Variants in PRMT8 observed in about 807,000 individuals in gnomAD.
PRMT8 encodes protein arginine N-methyltransferase 8.
Under a neutral mutation model 47.1 loss-of-function variants are expected in PRMT8, and 7 were observed. The ratio of observed to expected loss-of-function variants is 0.15; its 90% CI spans 0.08 to 0.28. PRMT8 has a LOEUF of 0.28. Among genes scored for constraint, PRMT8 ranks in the 10% least tolerant of loss-of-function variants. The pLI is 1.00. For synonymous variants in PRMT8, 188 were observed against 186.5 expected, an observed-to-expected ratio of 1.01 and a Z score of -0.07; for missense variants, 237 against 505.4, an observed-to-expected ratio of 0.47 and a Z score of 5.09.
intron 1 of PRMT8, among the ~76,000 whole-genome samples, chr12:3,425,847 C>T (rs148973485): frequency 6.6e-6 from 1 of 152,250 alleles, no homozygotes; most frequent in African/African-American, 2.4e-5. Flanking sequence ...GCAGAGTGCC[C>T]AGTAAAGGCC....
At chr12:3,506,342 G>C (rs1238478297) in intron 1 of PRMT8, among the ~76,000 whole-genome samples, 1 of 152,226 alleles carries the variant, frequency 6.6e-6, no homozygotes, top group African/African-American at 2.4e-5. Context: ...TATGAAAGGA[G>C]AACAGATAAG....
intron 1 of PRMT8, among the ~76,000 whole-genome samples, chr12:3,439,915 G>A (rs1591550444): frequency 6.6e-6 from 1 of 152,220 alleles, no homozygotes; most frequent in East Asian, 1.9e-4. Context: ...TGGAGAGGGT[G>A]GTCGTGGCAG....
In PRMT8 at chr12:3,491,556, T is replaced by C; in HGVS notation, c.-70T>C. The C allele has an allele frequency of 6.6e-7, 1 of 1,525,710 alleles. No individual in the cohort carries two copies. Among genetic ancestry groups the C allele is most frequent in the Non-Finnish European group, 8.8e-7 (1 of 1,138,080 alleles). The allele number at this position is 1,525,710 out of a possible 1,614,324, so 94.5% of individuals were successfully genotyped here. On this transcript the variant is annotated 5_prime_UTR_variant, in exon 1 of 10. Coordinates refer to ENST00000382622, the MANE Select transcript of PRMT8 (RefSeq NM_019854.5). ...TTTTTTCTCCCATCCTCTCGCTCTC[T>C]CTTTTAAAGCGACACCAGCTCTCTC... is the stretch of plus-strand genomic sequence containing the variant.
At chr12:3,440,671 G>C (rs61909489) in intron 1 of PRMT8, among the ~76,000 whole-genome samples, 2,128 of 152,206 alleles carry the variant, frequency 0.014, 21 homozygotes, top group Non-Finnish European at 0.023. Flanking sequence ...ATCTGCCAAT[G>C]CTCCATTACA....
intron 6 of PRMT8, among the ~76,000 whole-genome samples, chr12:3,571,092 A>C (rs1003841254): frequency 6.6e-6 from 1 of 152,192 alleles, no homozygotes. Context: ...ACATATATTA[A>C]AGGACGTGAC....
chr12:3,470,468 C>T (rs1187540416), intron 1 of PRMT8, among the ~76,000 whole-genome samples: 3 of 152,110 alleles, frequency 2.0e-5, no homozygotes, highest in Non-Finnish European at 4.4e-5. Flanking sequence ...CCAACCTTCC[C>T]CAGGCTGTCT....
intron 1 of PRMT8, among the ~76,000 whole-genome samples, chr12:3,401,546 C>A (rs1864316978): frequency 6.6e-6 from 1 of 151,838 alleles, no homozygotes. Flanking sequence ...TTCTTTGATA[C>A]AGGATAACAT....
At chr12:3,388,013 A>G (rs897009506) in intron 1 of PRMT8, among the ~76,000 whole-genome samples, 1 of 142,572 alleles carries the variant, frequency 7.0e-6, no homozygotes, top group African/African-American at 2.6e-5. Context: ...TTCCTCAATA[A>G]CTCCTCCCTT....
At chr12:3,412,427 A>T (rs1490169046) in intron 1 of PRMT8, among the ~76,000 whole-genome samples, 3 of 152,190 alleles carry the variant, frequency 2.0e-5, no homozygotes, top group Non-Finnish European at 2.9e-5. Context: ...TTTATAAAAA[A>T]TGTTTTCTTT....
intron 1 of PRMT8, among the ~76,000 whole-genome samples, chr12:3,435,775 C>T (rs567531227): frequency 3.2e-4 from 49 of 152,288 alleles, no homozygotes; most frequent in African/African-American, 1.1e-3. Flanking sequence ...CGGCCTCGGC[C>T]TCCCAGAGTG....
chr12:3,461,210 A>C (rs1189749863), intron 1 of PRMT8, among the ~76,000 whole-genome samples: 1 of 152,204 alleles, frequency 6.6e-6, no homozygotes, highest in Non-Finnish European at 1.5e-5. Context: ...TGCACAACCT[A>C]ATTCTAGCAA....
intron 1 of PRMT8, among the ~76,000 whole-genome samples, chr12:3,515,180 T>C (rs1040693418): frequency 4.6e-5 from 7 of 152,146 alleles, no homozygotes; most frequent in African/African-American, 1.7e-4. Flanking sequence ...CAGCATAGGG[T>C]CTGGTCAACA....
intron 1 of PRMT8, among the ~76,000 whole-genome samples, chr12:3,485,270 C>A (rs1378742508): frequency 6.6e-6 from 1 of 152,188 alleles, no homozygotes; most frequent in Non-Finnish European, 1.5e-5. Flanking sequence ...TATAGAAACA[C>A]ATTTAAAACA....
At chr12:3,475,071 A>G (rs1011543852) in intron 1 of PRMT8, among the ~76,000 whole-genome samples, 1 of 152,198 alleles carries the variant, frequency 6.6e-6, no homozygotes, top group Non-Finnish European at 1.5e-5. Flanking sequence ...GAATTAGCAG[A>G]CAGGTGACTC....
At chr12:3,530,663 A>G (rs1866015790) in intron 1 of PRMT8, among the ~76,000 whole-genome samples, 1 of 152,168 alleles carries the variant, frequency 6.6e-6, no homozygotes, top group Non-Finnish European at 1.5e-5. Context: ...AGAGTGCACA[A>G]TGTGTAAGGG....
intron 4 of PRMT8, among the ~76,000 whole-genome samples, chr12:3,558,871 T>C (rs1412095113): frequency 6.6e-6 from 1 of 152,230 alleles, no homozygotes; most frequent in Non-Finnish European, 1.5e-5. Flanking sequence ...TTTCCCTTTG[T>C]AATTAGTAAG....
chr12:3,567,897 A>C (rs1866752140), intron 4 of PRMT8, among the ~76,000 whole-genome samples: 2 of 152,078 alleles, frequency 1.3e-5, no homozygotes, highest in South Asian at 4.2e-4. Flanking sequence ...AACATGGTGA[A>C]ACCCCGTCTC....
Position 3,531,683 on chromosome 12 carries a change from C to T in PRMT8, c.76-8923C>T, listed in dbSNP as rs1591587745. 3.9e-5 allele frequency among the ~76,000 whole-genome samples: 6 copies of T among 152,312 alleles called. No homozygotes were observed. In the South Asian group the frequency reaches 1.2e-3, roughly 32 times the overall value. ...ATGCAGCTGCTGAGGGCGGCCTTCG[C>T]GTCAAGCGTCTCAGTGACCCTGGTC... On this transcript the variant is annotated intron_variant, in intron 1 of 9. Coordinates refer to ENST00000382622, the MANE Select transcript of PRMT8 (RefSeq NM_019854.5).
intron 1 of PRMT8, among the ~76,000 whole-genome samples, chr12:3,404,226 C>T (rs904255640): frequency 5.3e-5 from 8 of 152,148 alleles, no homozygotes; most frequent in South Asian, 2.1e-4. Flanking sequence ...TTTTACTACA[C>T]GTATGTATTT....
Sources: gnomAD v4.1 joint callset for allele counts (sites outside exome capture counted in the v4.1 genomes callset) on GRCh38, gnomAD v4.1.1 for gene constraint, MANE v1.5 for transcripts, NCBI Gene and HGNC (gene_info 2026-07-23, HGNC 2026-07-21) for gene names.